The following NFIB variants were observed in gnomAD, a reference collection of about 807,000 sequenced individuals.
The protein encoded by NFIB is nuclear factor 1 B-type.
A neutral mutation model predicts 61.5 loss-of-function variants in NFIB; 11 were observed. The observed-to-expected ratio is 0.18, with a 90% CI of 0.11 to 0.30. NFIB has a LOEUF of 0.30. Among genes scored for constraint, NFIB ranks in the 10% least tolerant of loss-of-function variants. NFIB has a pLI of 1.00. For missense variants in NFIB, 471 were observed against 608.9 expected (o/e 0.77, Z 2.38); for synonymous variants, 260 against 216.5 (o/e 1.20, Z -1.76).
At chr9:14,450,593 G>C in the NFIB span, among the ~76,000 whole-genome samples, 1 of 152,010 alleles carries the variant, frequency 6.6e-6, no homozygotes, top group African/African-American at 2.4e-5. Flanking sequence ...TTCTAACTAA[G>C]TGCCCCTCTA....
chr9:14,475,210 G>A, the NFIB span, among the ~76,000 whole-genome samples: 10 of 152,326 alleles, frequency 6.6e-5, no homozygotes, highest in South Asian at 2.1e-3. Flanking sequence ...AAATGAATCT[G>A]AGGCATAGCG....
At chr9:14,266,787 T>A (rs1021271866) in intron 2 of NFIB, among the ~76,000 whole-genome samples, 1 of 152,120 alleles carries the variant, frequency 6.6e-6, no homozygotes, top group Non-Finnish European at 1.5e-5. Context: ...ATCTCCAGAA[T>A]CTATCCATTC....
chr9:14,284,795 G>C (rs1240366830), intron 2 of NFIB, among the ~76,000 whole-genome samples: 1 of 152,204 alleles, frequency 6.6e-6, no homozygotes, highest in Non-Finnish European at 1.5e-5. Flanking sequence ...CATAGGGTGA[G>C]TGGGATAGGG....
the NFIB span, among the ~76,000 whole-genome samples, chr9:14,523,304 G>A: frequency 6.6e-6 from 1 of 152,058 alleles, no homozygotes. Context: ...CAAATGGAGT[G>A]CTTTTTAAAC....
the NFIB span, among the ~76,000 whole-genome samples, chr9:14,461,111 T>C: frequency 6.6e-6 from 1 of 152,228 alleles, no homozygotes; most frequent in Non-Finnish European, 1.5e-5. Flanking sequence ...CACAGTCCCA[T>C]AGCATCCCAC....
At chr9:14,179,846 A>C in intron 2 of NFIB, 66 bp from the exon 3 acceptor site, 1 of 1,533,436 alleles carries the variant, frequency 6.5e-7, no homozygotes, top group Non-Finnish European at 8.9e-7. Flanking sequence ...CAATCCTCAA[A>C]GGACTCGAAA....
chr9:14,277,564 G>A (rs1182883530), intron 2 of NFIB, among the ~76,000 whole-genome samples: 9 of 152,288 alleles, frequency 5.9e-5, no homozygotes, highest in African/African-American at 4.8e-5. Flanking sequence ...ATTAGTCCTC[G>A]TAGGTGAAAG....
intron 2 of NFIB, among the ~76,000 whole-genome samples, chr9:14,263,177 T>G (rs1443761524): frequency 6.6e-6 from 1 of 152,218 alleles, no homozygotes; most frequent in Non-Finnish European, 1.5e-5. Context: ...TTTTGTTATT[T>G]GTACAGTCTC....
intron 3 of NFIB, among the ~76,000 whole-genome samples, chr9:14,157,511 A>G (rs958889426): frequency 6.6e-6 from 1 of 152,232 alleles, no homozygotes; most frequent in African/African-American, 2.4e-5. Flanking sequence ...TGAAAAATAT[A>G]TATACATTTT....
the NFIB span, among the ~76,000 whole-genome samples, chr9:14,480,180 T>G: frequency 1.3e-5 from 2 of 152,124 alleles, no homozygotes; most frequent in African/African-American, 2.4e-5. Flanking sequence ...TCCCCATAAT[T>G]TGAGATGTAG....
the NFIB span, among the ~76,000 whole-genome samples, chr9:14,489,980 T>C: frequency 6.6e-6 from 1 of 152,152 alleles, no homozygotes; most frequent in Non-Finnish European, 1.5e-5. Context: ...CAAACAATGC[T>C]AAAATGAACA....
At chr9:14,459,168 G>A in the NFIB span, among the ~76,000 whole-genome samples, 4 of 152,200 alleles carry the variant, frequency 2.6e-5, no homozygotes, top group African/African-American at 9.6e-5. Context: ...CCAAAACAGA[G>A]ATATAGACCA....
At chr9:14,251,547 T>G (rs2055622311) in intron 2 of NFIB, among the ~76,000 whole-genome samples, 1 of 152,192 alleles carries the variant, frequency 6.6e-6, no homozygotes, top group African/African-American at 2.4e-5. Context: ...AGTGCTATTT[T>G]CTCCTGACCA....
chr9:14,192,294 G>C (rs1027944051), intron 2 of NFIB, among the ~76,000 whole-genome samples: 6 of 152,168 alleles, frequency 3.9e-5, no homozygotes, highest in African/African-American at 1.2e-4. Context: ...TTTTCAGATA[G>C]GATTTAAAAA....
intron 10 of NFIB, chr9:14,102,346 G>C (rs1478097309): frequency 4.9e-6 from 6 of 1,231,712 alleles, no homozygotes; most frequent in Admixed American, 2.2e-5. Flanking sequence ...TTTCTGTAAA[G>C]CTAGTTAAAA....
chr9:14,314,116 G>A lies in NFIB; in HGVS notation c.-605C>T. 1 of 1,034,600 alleles carries A rather than the reference G, an allele frequency of 9.7e-7. No homozygotes were observed. The highest frequency in any genetic ancestry group is 1.2e-6 in the Non-Finnish European group (1 of 860,844). The allele number at this position is 1,034,600 out of a possible 1,614,324, so 64.1% of individuals were successfully genotyped here. A position where few individuals can be genotyped will look rare whatever the true frequency, so the allele number is the denominator to read the frequency against. ...TTTGCCGCGAGCCGACCATGTGTGT[G>A]CGCGAGGGGCAGCGTGAGCGAGTGC... On this transcript the variant is annotated 5_prime_UTR_variant, in exon 1 of 11. Transcript: ENST00000380953.
chr9:14,389,318 T>G lies in NFIB; in HGVS notation c.108+9206A>C, dbSNP rs57494983. On this transcript the variant is annotated intron_variant, in intron 1 of 8. Transcript: ENST00000380934. ...AAGTTGTTGTTCATCCCTCCCCCTT[T>G]CTCCTCCCACCTTTCTGAGTCCATC... Among the ~76,000 whole-genome samples, 1,081 of 152,150 alleles carry G rather than the reference T, an allele frequency of 7.1e-3. 49 individuals carry two copies. The East Asian group carries it at 0.13, about 19-fold the overall frequency.
chr9:14,283,399 G>C (rs1022212942), intron 2 of NFIB, among the ~76,000 whole-genome samples: 1 of 152,230 alleles, frequency 6.6e-6, no homozygotes, highest in African/African-American at 2.4e-5. Context: ...ACTAGTGTCT[G>C]TATCCACTTT....
At chr9:14,306,062 T>A in intron 2 of NFIB, 4 of 751,830 alleles carry the variant, frequency 5.3e-6, no homozygotes, top group Non-Finnish European at 8.0e-6. Context: ...ATAATAAACA[T>A]TTCATTAACT....
Sources: gnomAD v4.1 joint callset for allele counts (sites outside exome capture counted in the v4.1 genomes callset) on GRCh38, gnomAD v4.1.1 for gene constraint, MANE v1.5 for transcripts, NCBI Gene and HGNC (gene_info 2026-07-23, HGNC 2026-07-21) for gene names.